Variants in GK5 observed in about 807,000 individuals in gnomAD.
GK5 encodes glycerol kinase 5.
A neutral mutation model predicts 77.3 loss-of-function variants in GK5; 39 were observed. The observed-to-expected ratio is 0.50, with a 90% CI of 0.39 to 0.66. The LOEUF (loss-of-function observed/expected upper bound fraction) is 0.66. GK5 is among the 30% of genes least tolerant of loss of function. GK5 has a pLI of 0.00. For synonymous variants in GK5, 211 were observed against 208.0 expected, an observed-to-expected ratio of 1.01 and a Z score of -0.13; for missense variants, 487 against 633.8, an observed-to-expected ratio of 0.77 and a Z score of 2.49.
intron 11 of GK5, among the ~76,000 whole-genome samples, chr3:142,180,642 T>TTC (rs370832833): frequency 2.0e-5 from 3 of 151,200 alleles, no homozygotes; most frequent in African/African-American, 4.8e-5. Flanking sequence ...CCTTCTTTCC[T>TTC]TCTCTCTCTC....
At chr3:142,184,120 G>A (rs2063733281) in intron 9 of GK5, among the ~76,000 whole-genome samples, 2 of 151,274 alleles carry the variant, frequency 1.3e-5, no homozygotes, top group South Asian at 4.2e-4. Context: ...AATTAGCCAG[G>A]CGTGGTGGCA....
At chr3:142,210,707 C>A (rs900574523) in intron 3 of GK5, among the ~76,000 whole-genome samples, 1 of 152,204 alleles carries the variant, frequency 6.6e-6, no homozygotes, top group Non-Finnish European at 1.5e-5. Context: ...TACAACACCA[C>A]CACCACCAGT....
intron 1 of GK5, 24 bp from the exon 2 acceptor site, chr3:142,215,716 T>G (rs975347380): frequency 1.7e-6 from 2 of 1,209,344 alleles, no homozygotes; most frequent in African/African-American, 3.0e-5. Context: ...GAAGATTTAG[T>G]AAAAACAGCA....
rs1315415073 is a variant in GK5, at chr3:142,164,575, A to T, written c.*1047T>A. The T allele has an allele frequency of 6.6e-6, 1 of 152,194 alleles. No homozygotes were observed. Among genetic ancestry groups the T allele is most frequent in the Non-Finnish European group, 1.5e-5 (1 of 68,054 alleles). The allele number at this position is 152,194 out of a possible 1,614,324, so 9.4% of individuals were successfully genotyped here. A position where few individuals can be genotyped will look rare whatever the true frequency, so the allele number is the denominator to read the frequency against. On this transcript the variant is annotated 3_prime_UTR_variant, in exon 16 of 16. Transcript: ENST00000392993. ...CTAAAGGGCAATCCTGAGCATAGAC[A>T]CACTCTCCTCCCTTCTATCAGCTGT...
rs1475971266 is a variant in GK5, at chr3:142,164,059, TATTA to T, written c.*1559_*1562del. On this transcript the variant is annotated 3_prime_UTR_variant, in exon 16 of 16. Transcript: ENST00000392993. Reference sequence around the variant, plus strand: ...ATACCTATTTATTAATATTTCCAAATATTAATTAGATTTAATAATACTATATATT... The same window carrying T: ...ATACCTATTTATTAATATTTCCAAATATTAGATTTAATAATACTATATATT... 6.6e-6 allele frequency: 1 copy of T among 152,126 alleles called. No individual in the cohort carries two copies. The highest frequency in any genetic ancestry group is 6.5e-5 in the Admixed American group (1 of 15,278). 9.4% of individuals were successfully genotyped at this position (152,126 alleles called of 1,614,324 possible).
At chr3:142,193,145 C>T (rs1436981252) in intron 5 of GK5, among the ~76,000 whole-genome samples, 3 of 151,948 alleles carry the variant, frequency 2.0e-5, no homozygotes, top group Middle Eastern at 3.2e-3. Flanking sequence ...GATGTACCAC[C>T]GTAATACAAG....
At chr3:142,225,126 G>C (rs1222076787) in intron 1 of GK5, among the ~76,000 whole-genome samples, 183 bp downstream of exon 1, 1 of 152,104 alleles carries the variant, frequency 6.6e-6, no homozygotes, top group Non-Finnish European at 1.5e-5. Context: ...CAGCCCAGAC[G>C]AGGGAGGGAA....
intron 1 of GK5, among the ~76,000 whole-genome samples, chr3:142,222,055 AT>A (rs2064355968): frequency 6.6e-6 from 1 of 152,130 alleles, no homozygotes; most frequent in Non-Finnish European, 1.5e-5. Flanking sequence ...AAGAGGTGTA[AT>A]TTTCACTTGA....
At chr3:142,170,848 C>T (rs1238780322) in intron 14 of GK5, among the ~76,000 whole-genome samples, 1 of 152,102 alleles carries the variant, frequency 6.6e-6, no homozygotes, top group Admixed American at 6.5e-5. Context: ...CATATGGGTG[C>T]CAAGATGCAC....
chr3:142,183,253 T>G, intron 9 of GK5: 1 of 386,342 alleles, frequency 2.6e-6, no homozygotes, highest in East Asian at 4.1e-5. Flanking sequence ...ACTCTGCAGA[T>G]AACTGACATG....
Position 142,201,278 on chromosome 3 carries a change from T to C in GK5, c.412-2345A>G, listed in dbSNP as rs113341649. On this transcript the variant is annotated intron_variant, in intron 4 of 15. Coordinates refer to ENST00000392993, the MANE Select transcript of GK5 (RefSeq NM_001039547.3). ...AATAAACTGTGATACAGCTGTACTA[T>C]TGAATACAACTCAGCAACAGAAAGG... Among the ~76,000 whole-genome samples the C allele has an allele frequency of 6.9e-3, 1,055 of 152,326 alleles. 1 individual carries two copies. Among genetic ancestry groups the C allele is most frequent in the Non-Finnish European group, 0.011 (774 of 68,020 alleles).
chr3:142,198,759 C>T (rs1382695424), intron 5 of GK5, 43 bp downstream of exon 5: 2 of 1,535,188 alleles, frequency 1.3e-6, no homozygotes. Context: ...ATATGGTTTC[C>T]ACATACACAC....
At chr3:142,215,512 A>C (rs1363737870) in intron 2 of GK5, 87 bp downstream of exon 2, 1 of 682,526 alleles carries the variant, frequency 1.5e-6, no homozygotes, top group Non-Finnish European at 2.5e-6. Flanking sequence ...TGTATAACTT[A>C]GGAAAACCAC....
chr3:142,173,183 A>G, intron 12 of GK5: 1 of 441,948 alleles, frequency 2.3e-6, no homozygotes, highest in Non-Finnish European at 4.5e-6. Context: ...CCTAGGTGAC[A>G]GAGTGAGACA....
At chr3:142,194,565 G>A (rs1265005268) in intron 5 of GK5, among the ~76,000 whole-genome samples, 1 of 151,532 alleles carries the variant, frequency 6.6e-6, no homozygotes, top group East Asian at 1.9e-4. Flanking sequence ...GGTGGTGTGC[G>A]CCTGTAGTCC....
Position 142,162,960 on chromosome 3 carries a change from C to T in GK5, c.*2662G>A, listed in dbSNP as rs1240237780. On this transcript the variant is annotated 3_prime_UTR_variant, in exon 16 of 16. Transcript: ENST00000392993. ...GCAGTGAGCCGAGATCATGCCACTG[C>T]ACTCCAGCCTGGGCAACAGAGCATG... 1 of 146,528 alleles carries T rather than the reference C, an allele frequency of 6.8e-6. No individual in the cohort carries two copies. The highest frequency in any genetic ancestry group is 1.5e-5 in the Non-Finnish European group (1 of 67,278). The allele number at this position is 146,528 out of a possible 1,614,324, so 9.1% of individuals were successfully genotyped here. A position where few individuals can be genotyped will look rare whatever the true frequency, so the allele number is the denominator to read the frequency against.
In GK5 at chr3:142,177,499, A is replaced by T. The variant is rs751049425; in HGVS notation, c.1126T>A (p.Ser376Thr). 1 of 1,605,776 alleles carries T rather than the reference A, an allele frequency of 6.2e-7. No individual in the cohort carries two copies. Among genetic ancestry groups the T allele is most frequent in the Non-Finnish European group, 8.5e-7 (1 of 1,172,904 alleles). ...EDSEGVCFVPSFSGLQAPLND... is the reference protein window; with the variant it reads ...EDSEGVCFVPTFSGLQAPLND... ...ATACATACCTGTAATCCACTAAAAGATGGAACAAAACAAACTCCTTCAGAA... is the reference window on the plus strand; with the variant it reads ...ATACATACCTGTAATCCACTAAAAGTTGGAACAAAACAAACTCCTTCAGAA... Residue 376 changes from serine to threonine, a missense_variant, in exon 12 of 16, where the codon TCT becomes ACT. This residue lies in a region of GK5 where 323 missense variants were observed against 437.4 expected (regional missense o/e 0.74). Transcript: ENST00000392993.
chr3:142,224,475 C>G (rs574303001), intron 1 of GK5, among the ~76,000 whole-genome samples: 1 of 152,330 alleles, frequency 6.6e-6, no homozygotes, highest in Non-Finnish European at 1.5e-5. Context: ...GGTGCATTGA[C>G]AATTGTGTAT....
chr3:142,212,369 A>T (rs1402065902), intron 3 of GK5, among the ~76,000 whole-genome samples: 1 of 152,074 alleles, frequency 6.6e-6, no homozygotes, highest in Non-Finnish European at 1.5e-5. Context: ...CCCCGTCTCT[A>T]CAAAAAATAC....
Sources: allele counts gnomAD v4.1 joint callset (sites outside exome capture counted in the v4.1 genomes callset), GRCh38; gene constraint gnomAD v4.1.1; regional missense constraint gnomAD v4.1.1; transcripts MANE v1.5; gene names NCBI Gene and HGNC (gene_info 2026-07-23, HGNC 2026-07-21).